The following IFT43 variants were observed in gnomAD, a reference collection of about 807,000 sequenced individuals.
IFT43 encodes intraflagellar transport protein 43 homolog.
Under a neutral mutation model 32.3 loss-of-function variants are expected in IFT43, and 33 were observed. The observed-to-expected ratio is 1.02, with a 90% CI of 0.77 to 1.37. The LOEUF (loss-of-function observed/expected upper bound fraction) is 1.37. Among genes scored for constraint, IFT43 ranks in the 40% most tolerant of loss-of-function variants. The pLI, the probability that IFT43 is intolerant of heterozygous loss-of-function variation, is 0.00. For missense variants in IFT43, 274 were observed against 265.9 expected (o/e 1.03, Z -0.21); for synonymous variants, 93 against 98.2 (o/e 0.95, Z 0.31).
intron 2 of IFT43, among the ~76,000 whole-genome samples, chr14:75,996,150 A>G (rs1027208763): frequency 2.0e-5 from 3 of 152,164 alleles, no homozygotes; most frequent in African/African-American, 4.8e-5. Context: ...CTCCTCGCCT[A>G]TGGGGAGGGT....
At chr14:76,013,315 C>CT (rs1307921599) in intron 2 of IFT43, among the ~76,000 whole-genome samples, 1 of 152,212 alleles carries the variant, frequency 6.6e-6, no homozygotes, top group African/African-American at 2.4e-5. Context: ...GAATAAAGGG[C>CT]TTTAATTTCT....
At chr14:76,051,379 A>G (rs1403815396) in intron 3 of IFT43, among the ~76,000 whole-genome samples, 1 of 151,784 alleles carries the variant, frequency 6.6e-6, no homozygotes, top group African/African-American at 2.4e-5. Context: ...TGAGTATTGC[A>G]GGTGTGGGGG....
At position 76,002,536 on chromosome 14, in the gene IFT43, A is replaced by G. The variant is rs574259935; in HGVS notation, c.147+13559A>G. 4.6e-5 allele frequency among the ~76,000 whole-genome samples: 7 copies of G among 152,310 alleles called. No individual in the cohort carries two copies. The South Asian group carries it at 1.5e-3, about 32-fold the overall frequency. ...AGTTTCAAAAAGTAGCAACAAGGCC[A>G]TTGGCATTTAAAGGGTCTGGGAACC... On this transcript the variant is annotated intron_variant, in intron 2 of 8. Coordinates refer to ENST00000314067, the MANE Select transcript of IFT43 (RefSeq NM_001102564.3).
intron 5 of IFT43, among the ~76,000 whole-genome samples, chr14:76,080,612 G>A (rs1014585619): frequency 2.6e-5 from 4 of 152,174 alleles, no homozygotes; most frequent in African/African-American, 9.7e-5. Flanking sequence ...AGGAGAGCCA[G>A]GCACACTCCA....
chr14:76,027,117 A>G (rs2036412404), intron 3 of IFT43, among the ~76,000 whole-genome samples: 1 of 152,158 alleles, frequency 6.6e-6, no homozygotes. Context: ...GGATCAGGAA[A>G]AATAACTACT....
chr14:76,071,638 G>A (rs1025896043), intron 5 of IFT43, among the ~76,000 whole-genome samples: 2 of 152,146 alleles, frequency 1.3e-5, no homozygotes, highest in African/African-American at 2.4e-5. Flanking sequence ...ACAGGTACAC[G>A]ATAGGCACAC....
At chr14:76,000,617 G>T (rs372962313) in intron 2 of IFT43, among the ~76,000 whole-genome samples, 2 of 152,216 alleles carry the variant, frequency 1.3e-5, no homozygotes, top group East Asian at 3.9e-4. Context: ...CCTTTACCAG[G>T]CATCTCACCA....
intron 3 of IFT43, among the ~76,000 whole-genome samples, chr14:76,032,844 T>A (rs2036532529): frequency 6.6e-6 from 1 of 151,856 alleles, no homozygotes; most frequent in African/African-American, 2.4e-5. Context: ...GGAGGTAGAG[T>A]TAATAGAAAT....
At chr14:76,031,826 G>A (rs2036513769) in intron 3 of IFT43, among the ~76,000 whole-genome samples, 1 of 152,112 alleles carries the variant, frequency 6.6e-6, no homozygotes, top group Non-Finnish European at 1.5e-5. Context: ...ATGTTGGAGT[G>A]CCCAGGGCTC....
At chr14:76,069,185 C>T (rs532711220) in intron 5 of IFT43, among the ~76,000 whole-genome samples, 24 of 151,906 alleles carry the variant, frequency 1.6e-4, no homozygotes, top group South Asian at 6.2e-4. Flanking sequence ...CGTCACGTGG[C>T]GAAAGCAGGA....
chr14:76,060,728 G>C (rs1329693128), intron 5 of IFT43, among the ~76,000 whole-genome samples: 1 of 152,060 alleles, frequency 6.6e-6, no homozygotes, highest in African/African-American at 2.4e-5. Context: ...ACCAGACACA[G>C]AATTCTAGGC....
chr14:76,060,742 C>T (rs540644353), intron 5 of IFT43, among the ~76,000 whole-genome samples: 16 of 152,164 alleles, frequency 1.1e-4, no homozygotes, highest in African/African-American at 3.4e-4. Context: ...TCTAGGCTGA[C>T]AATTTTTTTC....
At chr14:76,045,159 G>A (rs2036781768) in intron 3 of IFT43, among the ~76,000 whole-genome samples, 2 of 152,110 alleles carry the variant, frequency 1.3e-5, no homozygotes, top group Admixed American at 1.3e-4. Flanking sequence ...CTCTTCTTAA[G>A]GGCTCACTCA....
intron 3 of IFT43, among the ~76,000 whole-genome samples, chr14:76,054,456 G>A (rs751092805): frequency 8.5e-5 from 13 of 152,238 alleles, no homozygotes; most frequent in Non-Finnish European, 1.5e-4. Context: ...GGGAGACATG[G>A]ATTCTAGTTT....
chr14:76,059,415 G>GC, intron 5 of IFT43, 42 bp downstream of exon 5: 1 of 1,584,688 alleles, frequency 6.3e-7, no homozygotes, highest in East Asian at 2.2e-5. Context: ...TTCTAGAGAG[G>GC]CCCCAGAACA....
Position 76,083,676 on chromosome 14 carries a change from A to G in IFT43, c.*99A>G. On this transcript the variant is annotated 3_prime_UTR_variant, in exon 9 of 9. Coordinates refer to ENST00000314067, the MANE Select transcript of IFT43 (RefSeq NM_001102564.3). Reference sequence around the variant, plus strand: ...ATTTTTACCTGGAATATTTTGTAATAAAAATATTTATATTCAGTCAACCAC... The same window carrying G: ...ATTTTTACCTGGAATATTTTGTAATGAAAATATTTATATTCAGTCAACCAC... The G allele has an allele frequency of 8.9e-7, 1 of 1,124,728 alleles. No individual in the cohort carries two copies. The highest frequency in any genetic ancestry group is 1.3e-6 in the Non-Finnish European group (1 of 765,212). 69.7% of individuals were successfully genotyped at this position (1,124,728 alleles called of 1,614,324 possible).
At chr14:76,038,818 A>G (rs1566719919) in intron 3 of IFT43, among the ~76,000 whole-genome samples, 1 of 152,106 alleles carries the variant, frequency 6.6e-6, no homozygotes, top group Admixed American at 6.5e-5. Context: ...GGTAGATTTC[A>G]TTTGTTCTGG....
intron 2 of IFT43, among the ~76,000 whole-genome samples, chr14:76,021,840 G>A (rs565928504): frequency 6.6e-6 from 1 of 152,324 alleles, no homozygotes; most frequent in East Asian, 1.9e-4. Flanking sequence ...CACCGGGAGG[G>A]TATGAAGGAA....
chr14:76,059,212 A>G, intron 4 of IFT43, 115 bp from the exon 5 acceptor site: 3 of 1,604,410 alleles, frequency 1.9e-6, no homozygotes, highest in Admixed American at 3.4e-5. Context: ...AGAGAAAAAC[A>G]GGTTCAGGGA....
Sources: allele counts gnomAD v4.1 joint callset (sites outside exome capture counted in the v4.1 genomes callset), GRCh38; gene constraint gnomAD v4.1.1; transcripts MANE v1.5; gene names NCBI Gene and HGNC (gene_info 2026-07-23, HGNC 2026-07-21).